The following EFCAB12 variants were observed in gnomAD, a reference collection of about 807,000 sequenced individuals.
EFCAB12 encodes the protein EF-hand calcium binding domain 12, also known as EF-hand calcium-binding domain-containing protein 12.
Under a neutral mutation model 53.6 loss-of-function variants are expected in EFCAB12, and 43 were observed. The observed-to-expected ratio is 0.80, with a 90% CI of 0.63 to 1.03. The LOEUF (loss-of-function observed/expected upper bound fraction) is 1.03, where lower values mean the gene tolerates loss of function less well. Among genes scored for constraint, EFCAB12 ranks in the 50% least tolerant of loss-of-function variants. The pLI, the probability that EFCAB12 is intolerant of heterozygous loss-of-function variation, is 0.00. For missense variants in EFCAB12, 646 were observed against 730.6 expected (o/e 0.88, Z 1.34); for synonymous variants, 269 against 289.2 (o/e 0.93, Z 0.71).
At chr3:129,413,497 T>TA (rs2072072991) in intron 4 of EFCAB12, 1 of 152,182 alleles carries the variant, frequency 6.6e-6, no homozygotes, top group Non-Finnish European at 1.5e-5. Flanking sequence ...ATAGGGAAGC[T>TA]AAAAGCAGAC....
In EFCAB12 at chr3:129,415,280, G is replaced by T. The variant is rs1467918161; in HGVS notation, c.803C>A (p.Ala268Asp). The T allele has an allele frequency of 6.2e-7, 1 of 1,612,282 alleles. No homozygotes were observed. The highest frequency in any genetic ancestry group is 8.5e-7 in the Non-Finnish European group (1 of 1,179,692). Reference protein sequence around the residue: ...LANTYKQWSMAQQRSSLATAR... With the variant: ...LANTYKQWSMDQQRSSLATAR... ...AGTGGCCAGGCTGCTCCTTTGCTGAGCCATAGACCACTGCTTGTAGGTATT... is the reference window on the plus strand; with the variant it reads ...AGTGGCCAGGCTGCTCCTTTGCTGATCCATAGACCACTGCTTGTAGGTATT... The change falls in exon 4 of 9, where the codon GCT becomes GAT. Residue 268 changes from alanine (A) to aspartate (D), a missense_variant. Transcript: ENST00000505956.
At chr3:129,419,599 C>T (rs575388684) in intron 2 of EFCAB12, among the ~76,000 whole-genome samples, 9 of 152,290 alleles carry the variant, frequency 5.9e-5, no homozygotes, top group Non-Finnish European at 1.0e-4. Flanking sequence ...TCTCGTGCAC[C>T]CCCTCACCCT....
chr3:129,404,182 C>A, intron 7 of EFCAB12, 68 bp downstream of exon 7: 1 of 1,550,440 alleles, frequency 6.4e-7, no homozygotes, highest in Non-Finnish European at 8.7e-7. Context: ...AGCCTCCAGC[C>A]CCCACACTGA....
Position 129,411,139 on chromosome 3 carries a change from C to T in EFCAB12, c.1035+19G>A. ...CTCCAGTCCCCAAGCCGCATGCTCT[C>T]CTTGGGCTGGCGAGGTACCTTGTGC... On this transcript the variant is annotated intron_variant, in intron 5 of 8. Coordinates refer to ENST00000505956, the MANE Select transcript of EFCAB12 (RefSeq NM_207307.3). The T allele has an allele frequency of 6.4e-7, 1 of 1,553,178 alleles. No homozygotes were observed. The highest frequency in any genetic ancestry group is 8.7e-7 in the Non-Finnish European group (1 of 1,150,082).
At chr3:129,406,071 G>A (rs1418850225) in intron 6 of EFCAB12, among the ~76,000 whole-genome samples, 2 of 150,806 alleles carry the variant, frequency 1.3e-5, no homozygotes, top group Non-Finnish European at 2.9e-5. Context: ...AAAGTGGCTC[G>A]ATATTCTGGT....
At chr3:129,415,053 G>T in intron 4 of EFCAB12, 192 bp downstream of exon 4, 1 of 541,794 alleles carries the variant, frequency 1.8e-6, no homozygotes. Flanking sequence ...TGGTAGCTGG[G>T]CACTCAAGGG....
Position 129,401,373 on chromosome 3 carries a change from G to T in EFCAB12, c.*220C>A. ...TATGTAGAAAGGGCAGAGGTCAGGG[G>T]AGGGAAATAGTCAAAAACTGCACGT... On this transcript the variant is annotated 3_prime_UTR_variant, in exon 9 of 9. Transcript: ENST00000505956. 1.9e-6 allele frequency: 1 copy of T among 535,952 alleles called. No individual in the cohort carries two copies. Among genetic ancestry groups the T allele is most frequent in the Non-Finnish European group, 3.1e-6 (1 of 321,968 alleles). 33.2% of individuals were successfully genotyped at this position (535,952 alleles called of 1,614,324 possible).
Position 129,421,600 on chromosome 3 carries a change from G to C in EFCAB12, c.253C>G (p.Pro85Ala). 4 of 1,614,002 alleles carry C rather than the reference G, an allele frequency of 2.5e-6. No individual in the cohort carries two copies. Among genetic ancestry groups the C allele is most frequent in the Non-Finnish European group, 3.4e-6 (4 of 1,179,884 alleles). Residue 85 changes from proline to alanine, a missense_variant, in exon 2 of 9, where the codon CCC becomes GCC. Physicochemically the swap from Pro to Ala is conservative, Grantham distance 27. Coordinates refer to ENST00000505956, the MANE Select transcript of EFCAB12 (RefSeq NM_207307.3). The part of the protein sequence containing the change: ...SQPQAPPKPI[P>A]SFKVLEARDI... ...CTAGCTTCCAGAACTTTGAAGCTGG[G>C]GATGGGCTTTGGGGGAGCCTGAGGT...
chr3:129,404,244 C>G lies in EFCAB12; in HGVS notation c.1403+6G>C, dbSNP rs780361081. ...AGGCAGGGAGAAAGGGGGTCCGAAA[C>G]TCAGCTTGTCAGTCCTCTTAGACTT... On this transcript the variant is annotated splice_donor_region_variant and intron_variant, in intron 7 of 8. Coordinates refer to ENST00000505956, the MANE Select transcript of EFCAB12 (RefSeq NM_207307.3). The G allele has an allele frequency of 1.9e-6, 3 of 1,610,826 alleles. No homozygotes were observed. The highest frequency in any genetic ancestry group is 1.7e-5 in the Admixed American group (1 of 59,620).
At chr3:129,417,795 C>G (rs1455048446) in intron 3 of EFCAB12, among the ~76,000 whole-genome samples, 2 of 144,208 alleles carry the variant, frequency 1.4e-5, no homozygotes, top group Non-Finnish European at 3.1e-5. Flanking sequence ...ACAGGCATCA[C>G]CAGGAGCTCG....
At chr3:129,425,381 C>T (rs1473854545) in intron 1 of EFCAB12, among the ~76,000 whole-genome samples, 1 of 152,212 alleles carries the variant, frequency 6.6e-6, no homozygotes, top group Non-Finnish European at 1.5e-5. Flanking sequence ...GCTCCCCACT[C>T]TTCCCTTGTC....
chr3:129,415,296 T>C lies in EFCAB12; in HGVS notation c.787A>G (p.Lys263Glu). Residue 263 changes from lysine to glutamate, a missense_variant, in exon 4 of 9, where the codon AAG becomes GAG. Coordinates refer to ENST00000505956, the MANE Select transcript of EFCAB12 (RefSeq NM_207307.3). Reference sequence around the variant, plus strand: ...CTTTGCTGAGCCATAGACCACTGCTTGTAGGTATTGGCCAGGATATCCATG... The same window carrying C: ...CTTTGCTGAGCCATAGACCACTGCTCGTAGGTATTGGCCAGGATATCCATG... ...ITMDILANTY[K>E]QWSMAQQRSS... 6.2e-7 allele frequency: 1 copy of C among 1,613,142 alleles called. No individual in the cohort carries two copies.
At chr3:129,422,650 C>T (rs904233318) in intron 1 of EFCAB12, among the ~76,000 whole-genome samples, 3 of 152,140 alleles carry the variant, frequency 2.0e-5, no homozygotes, top group African/African-American at 7.2e-5. Context: ...TCCTTCAGAC[C>T]ACTTATCACG....
intron 1 of EFCAB12, 101 bp downstream of exon 1, chr3:129,428,339 G>T (rs2072295320): frequency 2.0e-6 from 3 of 1,478,628 alleles, no homozygotes; most frequent in South Asian, 2.4e-5. Flanking sequence ...ACCCAGAGGG[G>T]GTCGGCACAA....
Position 129,401,694 on chromosome 3 carries a change from A to G in EFCAB12, c.1618T>C (p.Tyr540His). 1 of 1,592,678 alleles carries G rather than the reference A, an allele frequency of 6.3e-7. No individual in the cohort carries two copies. Among genetic ancestry groups the G allele is most frequent in the East Asian group, 2.3e-5 (1 of 43,940 alleles). Reference sequence around the variant, plus strand: ...TGGTCAGGGTGGTAGGTGGCTGGGTAGACATGGGGCTGGTGTTGAACACAA... The same window carrying G: ...TGGTCAGGGTGGTAGGTGGCTGGGTGGACATGGGGCTGGTGTTGAACACAA... ...FSCVQHQPHV[Y>H]PATYHPDHWW... The change falls in exon 9 of 9, where the codon TAC becomes CAC. Residue 540 changes from tyrosine to histidine, a missense_variant. By Grantham distance (83) the Tyr-to-His change is moderately conservative (BLOSUM62 2). Coordinates refer to ENST00000505956, the MANE Select transcript of EFCAB12 (RefSeq NM_207307.3).
chr3:129,420,908 G>A (rs2072179572), intron 2 of EFCAB12, among the ~76,000 whole-genome samples: 1 of 152,224 alleles, frequency 6.6e-6, no homozygotes, highest in South Asian at 2.1e-4. Flanking sequence ...TCACTCTGGG[G>A]GATGCCAGCA....
intron 6 of EFCAB12, 83 bp from the exon 7 acceptor site, chr3:129,404,486 T>G (rs75296271): frequency 9.1e-7 from 1 of 1,096,814 alleles, no homozygotes. Context: ...GAGGAGGTGT[T>G]TTTTTTTTTT....
chr3:129,402,491 C>T, intron 8 of EFCAB12, 32 bp downstream of exon 8: 8 of 1,604,790 alleles, frequency 5.0e-6, no homozygotes, highest in Non-Finnish European at 6.8e-6. Flanking sequence ...TCCCACCTTC[C>T]TTCCTTGTGG....
At chr3:129,421,888 C>T (rs1320398891) in intron 1 of EFCAB12, 85 bp from the exon 2 acceptor site, 3 of 1,364,854 alleles carry the variant, frequency 2.2e-6, no homozygotes, top group African/African-American at 2.9e-5. Flanking sequence ...TTGCTCCAGG[C>T]TGGGCAACAG....
Sources: allele counts gnomAD v4.1 joint callset (sites outside exome capture counted in the v4.1 genomes callset), GRCh38; gene constraint gnomAD v4.1.1; transcripts MANE v1.5; gene names NCBI Gene and HGNC (gene_info 2026-07-23, HGNC 2026-07-21).